The following ADAMTS2 variants were observed in gnomAD, a reference collection of about 807,000 sequenced individuals.
ADAMTS2 encodes ADAM metallopeptidase with thrombospondin type 1 motif 2, also known as A disintegrin and metalloproteinase with thrombospondin motifs 2.
Under a neutral mutation model 123.0 loss-of-function variants are expected in ADAMTS2, and 50 were observed. The ratio of observed to expected loss-of-function variants is 0.41; its 90% CI spans 0.32 to 0.51. The LOEUF (loss-of-function observed/expected upper bound fraction) is 0.51. ADAMTS2 is among the 20% of genes least tolerant of loss of function. The pLI is 0.35. For missense variants in ADAMTS2, 1,494 were observed against 1,705.2 expected (o/e 0.88, Z 2.18); for synonymous variants, 678 against 695.4 (o/e 0.98, Z 0.39).
rs900565759 is a variant in ADAMTS2, at chr5:179,136,179, G to A, written c.1952-137C>T. On this transcript the variant is annotated intron_variant, in intron 12 of 21. Transcript: ENST00000251582. ...CCTCCAGGGCAGACAGAGAGGGAAA[G>A]GGGTGGGTGACAGCAGCCCCCTTCC... 4.7e-6 allele frequency: 6 copies of A among 1,272,420 alleles called. No homozygotes were observed. In the South Asian group the frequency reaches 7.3e-5, roughly 15 times the overall value. 78.8% of individuals were successfully genotyped at this position (1,272,420 alleles called of 1,614,324 possible).
rs1289788382 is a variant in ADAMTS2 at position 179,155,267 on chromosome 5, C to G, written c.1133-348G>C. Among the ~76,000 whole-genome samples, 1 of 152,216 alleles carries G rather than the reference C, an allele frequency of 6.6e-6. No individual in the cohort carries two copies. Among genetic ancestry groups the G allele is most frequent in the African/African-American group, 2.4e-5 (1 of 41,456 alleles). On this transcript the variant is annotated intron_variant, in intron 6 of 21. Transcript: ENST00000251582. This position sits in a 1 kb window ranked among gnomAD's most constrained non-coding sequence, Gnocchi z 5.1. ...CCGTTCTCTTTCACGCCACCTGCCTCTGCCCCCTGCCTGCCTCACTGAGTG... is the reference window on the plus strand; with the variant it reads ...CCGTTCTCTTTCACGCCACCTGCCTGTGCCCCCTGCCTGCCTCACTGAGTG...
chr5:179,146,054 C>T lies in ADAMTS2; in HGVS notation c.1630-6019G>A, dbSNP rs536078060. Reference sequence around the variant, plus strand: ...ATTTTTAGCAGAGACAGGGTTTCACCATGTTGGCCAGGCTGGTCTCAAACT... The same window carrying T: ...ATTTTTAGCAGAGACAGGGTTTCACTATGTTGGCCAGGCTGGTCTCAAACT... On this transcript the variant is annotated intron_variant, in intron 10 of 21. Coordinates refer to ENST00000251582, the MANE Select transcript of ADAMTS2 (RefSeq NM_014244.5). 3.3e-5 allele frequency among the ~76,000 whole-genome samples: 5 copies of T among 152,242 alleles called. No homozygotes were observed. In the East Asian group the frequency reaches 9.7e-4, roughly 29 times the overall value.
chr5:179,122,936 G>T, intron 19 of ADAMTS2, 163 bp from the exon 20 acceptor site: 1 of 1,022,814 alleles, frequency 9.8e-7, no homozygotes, highest in Non-Finnish European at 1.4e-6. Flanking sequence ...CCACCCTCGG[G>T]GGCAGCCCCA....
At chr5:179,325,482 G>A (rs889395254) in intron 2 of ADAMTS2, among the ~76,000 whole-genome samples, 16 of 152,320 alleles carry the variant, frequency 1.1e-4, no homozygotes, top group African/African-American at 2.6e-4. Context: ...TCCTCTCCCC[G>A]ACCCACTCCC....
intron 4 of ADAMTS2, 139 bp downstream of exon 4, chr5:179,207,374 G>A: frequency 1.1e-6 from 1 of 903,786 alleles, no homozygotes; most frequent in Admixed American, 2.0e-5. Flanking sequence ...AAGCCTCCCT[G>A]AGACTGTGTC....
In ADAMTS2 at chr5:179,170,407, C is replaced by T. The variant is rs1468790411; in HGVS notation, c.975+10665G>A. On this transcript the variant is annotated intron_variant, in intron 5 of 21. Transcript: ENST00000251582. This position sits in a 1 kb window ranked among gnomAD's most constrained non-coding sequence, Gnocchi z 4.3. ...GAGTCTGTCCCCACCGTGGGGGGGA[C>T]AGCTCAGCCCCCTCCTGACTGCCAT... 2.0e-5 allele frequency among the ~76,000 whole-genome samples: 3 copies of T among 152,112 alleles called. No homozygotes were observed. Among genetic ancestry groups the T allele is most frequent in the Non-Finnish European group, 2.9e-5 (2 of 68,020 alleles).
intron 4 of ADAMTS2, among the ~76,000 whole-genome samples, chr5:179,198,445 G>T (rs1416972138): frequency 6.6e-6 from 1 of 152,210 alleles, no homozygotes; most frequent in African/African-American, 2.4e-5. Context: ...AGGGGCCTCA[G>T]CATCTCTGAC....
chr5:179,187,255 C>T (rs898824311), intron 4 of ADAMTS2, among the ~76,000 whole-genome samples: 4 of 152,168 alleles, frequency 2.6e-5, no homozygotes, highest in Non-Finnish European at 5.9e-5. Flanking sequence ...CCCTTCCTAC[C>T]CCAAGGCATG....
At chr5:179,316,207 G>T (rs1756995831) in intron 2 of ADAMTS2, among the ~76,000 whole-genome samples, 1 of 152,224 alleles carries the variant, frequency 6.6e-6, no homozygotes, top group African/African-American at 2.4e-5. Context: ...AGCCCAGGAA[G>T]TCCTGCTGGC....
At chr5:179,248,363 C>G (rs1031597096) in intron 3 of ADAMTS2, among the ~76,000 whole-genome samples, 14 of 152,054 alleles carry the variant, frequency 9.2e-5, no homozygotes, top group Admixed American at 8.5e-4. Flanking sequence ...TAGCAGATAG[C>G]AGAATTCAGT....
intron 9 of ADAMTS2, among the ~76,000 whole-genome samples, chr5:179,152,843 C>T (rs568704564): frequency 9.2e-5 from 14 of 152,184 alleles, no homozygotes; most frequent in Non-Finnish European, 1.6e-4. Context: ...AGGTGGCCCT[C>T]CTGCGTTGGT....
intron 5 of ADAMTS2, among the ~76,000 whole-genome samples, chr5:179,173,123 G>A (rs1763857802): frequency 6.6e-6 from 1 of 151,088 alleles, no homozygotes; most frequent in African/African-American, 2.4e-5. Context: ...GAGATGAGAG[G>A]ATCCCTTGAG....
chr5:179,121,936 G>A (rs1471570299), intron 20 of ADAMTS2, 186 bp from the exon 21 acceptor site: 4 of 450,486 alleles, frequency 8.9e-6, no homozygotes, highest in East Asian at 3.6e-5. Flanking sequence ...GACAGCAGCC[G>A]GGGTCTCAGC....
rs1238235564 is a variant in ADAMTS2, at chr5:179,125,278, C to T, written c.2751-98G>A. 24 of 1,132,248 alleles carry T rather than the reference C, an allele frequency of 2.1e-5. 1 individual carries two copies. The East Asian group carries it at 3.3e-4, about 16-fold the overall frequency. The allele number at this position is 1,132,248 out of a possible 1,614,324, so 70.1% of individuals were successfully genotyped here. On this transcript the variant is annotated intron_variant, in intron 18 of 21. Coordinates refer to ENST00000251582, the MANE Select transcript of ADAMTS2 (RefSeq NM_014244.5). ...CGCTCCCTGCAGCCCAGGTAGACAG[C>T]GAGCACAGAGGGCAGCCTGCACCCC...
At chr5:179,204,146 A>C (rs1412121645) in intron 4 of ADAMTS2, among the ~76,000 whole-genome samples, 1 of 152,220 alleles carries the variant, frequency 6.6e-6, no homozygotes, top group Non-Finnish European at 1.5e-5. Context: ...GAGTAGTCAA[A>C]TTCTCAGAAA....
intron 2 of ADAMTS2, among the ~76,000 whole-genome samples, chr5:179,288,154 G>C (rs904875103): frequency 1.3e-5 from 2 of 151,326 alleles, no homozygotes; most frequent in African/African-American, 4.9e-5. Context: ...CCCCTCTCAG[G>C]ACCCCTCCGG....
Position 179,312,960 on chromosome 5 carries a change from G to C in ADAMTS2, c.534+30807C>G, listed in dbSNP as rs1203637992. Among the ~76,000 whole-genome samples the C allele has an allele frequency of 1.3e-5, 2 of 152,248 alleles. No homozygotes were observed. Among genetic ancestry groups the C allele is most frequent in the Non-Finnish European group, 2.9e-5 (2 of 68,044 alleles). Reference sequence around the variant, plus strand: ...TGGGGAACTCTGATATGGACTAAAAGTGGTGAGAGAATTATGGTAGAAGAA... The same window carrying C: ...TGGGGAACTCTGATATGGACTAAAACTGGTGAGAGAATTATGGTAGAAGAA... On this transcript the variant is annotated intron_variant, in intron 2 of 21. Transcript: ENST00000251582. The surrounding 1 kb of genome is among the most constrained non-coding windows in gnomAD (Gnocchi z 4.2).
chr5:179,325,434 C>T (rs755888449), intron 2 of ADAMTS2, among the ~76,000 whole-genome samples: 2 of 152,198 alleles, frequency 1.3e-5, no homozygotes, highest in Non-Finnish European at 2.9e-5. Flanking sequence ...ACCCATAGCT[C>T]CTCCTGACAC....
At chr5:179,206,371 G>A (rs1185253625) in intron 4 of ADAMTS2, among the ~76,000 whole-genome samples, 1 of 152,062 alleles carries the variant, frequency 6.6e-6, no homozygotes. Context: ...CCCCTGGTCC[G>A]AAAAGCAGAG....
Sources: gnomAD v4.1 joint callset for allele counts (sites outside exome capture counted in the v4.1 genomes callset) on GRCh38, gnomAD v4.1.1 for gene constraint, Gnocchi (gnomAD v3.1) non-coding constraint, MANE v1.5 for transcripts, NCBI Gene and HGNC (gene_info 2026-07-23, HGNC 2026-07-21) for gene names.